Variants in OSBPL1A observed in about 807,000 individuals in gnomAD.
The protein encoded by OSBPL1A is oxysterol binding protein like 1A.
Under a neutral mutation model 137.1 loss-of-function variants are expected in OSBPL1A, and 80 were observed. The ratio of observed to expected loss-of-function variants is 0.58; its 90% CI spans 0.49 to 0.70. The LOEUF is 0.70. Among genes scored for constraint, OSBPL1A ranks in the 30% least tolerant of loss-of-function variants. OSBPL1A has a pLI of 0.00. For missense variants in OSBPL1A, 970 were observed against 1,129.4 expected (o/e 0.86, Z 2.02); for synonymous variants, 365 against 389.7 (o/e 0.94, Z 0.75).
chr18:24,329,231 G>T (rs761161273), intron 7 of OSBPL1A, among the ~76,000 whole-genome samples: 14 of 152,070 alleles, frequency 9.2e-5, no homozygotes, highest in Non-Finnish European at 1.9e-4. Flanking sequence ...GAGCAAAAGG[G>T]TGAGACCCCA....
chr18:24,164,459 C>T (rs1431175604), intron 27 of OSBPL1A, among the ~76,000 whole-genome samples: 10 of 117,408 alleles, frequency 8.5e-5, no homozygotes, highest in South Asian at 2.9e-4. Context: ...GACGGAGTCT[C>T]GCTCTGTCGC....
At chr18:24,286,796 G>A (rs1599617207) in intron 14 of OSBPL1A, among the ~76,000 whole-genome samples, 1 of 152,218 alleles carries the variant, frequency 6.6e-6, no homozygotes, top group African/African-American at 2.4e-5. Context: ...CTAGCAAGGT[G>A]AGAGGTTTTC....
At chr18:24,359,952 T>C (rs961208773) in intron 4 of OSBPL1A, among the ~76,000 whole-genome samples, 12 of 152,242 alleles carry the variant, frequency 7.9e-5, no homozygotes, top group African/African-American at 2.9e-4. Context: ...GCTGGGGAAC[T>C]GCATGATTTT....
intron 15 of OSBPL1A, among the ~76,000 whole-genome samples, chr18:24,250,620 C>G (rs2089057592): frequency 1.3e-5 from 2 of 152,256 alleles, no homozygotes; most frequent in Admixed American, 1.3e-4. Flanking sequence ...AGGTACTACA[C>G]TGAGGGCCTT....
chr18:24,217,380 C>T (rs113922429), intron 17 of OSBPL1A, among the ~76,000 whole-genome samples: 1 of 151,438 alleles, frequency 6.6e-6, no homozygotes, highest in African/African-American at 2.4e-5. Context: ...GCCTCAGTCT[C>T]CCGTGTAGTT....
chr18:24,320,921 C>G (rs957702320), intron 7 of OSBPL1A, among the ~76,000 whole-genome samples: 11 of 150,892 alleles, frequency 7.3e-5, no homozygotes, highest in Non-Finnish European at 1.6e-4. Flanking sequence ...CCCAGCTACT[C>G]TGGAGACTGA....
chr18:24,180,231 A>C (rs1356173980), intron 19 of OSBPL1A, among the ~76,000 whole-genome samples: 1 of 152,218 alleles, frequency 6.6e-6, no homozygotes, highest in East Asian at 1.9e-4. Context: ...AGGTTGGAAA[A>C]TGCTGACTTA....
intron 2 of OSBPL1A, among the ~76,000 whole-genome samples, chr18:24,377,055 G>A (rs1906225599): frequency 6.6e-6 from 1 of 152,238 alleles, no homozygotes; most frequent in Non-Finnish European, 1.5e-5. Context: ...ATGGGCTGAA[G>A]GGCTCCTCAA....
intron 2 of OSBPL1A, among the ~76,000 whole-genome samples, chr18:24,371,893 C>CTGTG (rs1384571579): frequency 1.3e-5 from 2 of 152,204 alleles, no homozygotes; most frequent in Non-Finnish European, 2.9e-5. Flanking sequence ...GCCCTGTACC[C>CTGTG]TGTGGGTCCT....
intron 15 of OSBPL1A, among the ~76,000 whole-genome samples, chr18:24,245,839 A>G (rs2088863965): frequency 6.6e-6 from 1 of 152,170 alleles, no homozygotes; most frequent in Non-Finnish European, 1.5e-5. Context: ...TGCCTTTTCA[A>G]ATGCAATTGA....
intron 17 of OSBPL1A, among the ~76,000 whole-genome samples, chr18:24,220,536 C>T (rs987847824): frequency 3.3e-5 from 5 of 152,192 alleles, no homozygotes; most frequent in African/African-American, 4.8e-5. Context: ...CCAGCCCTCA[C>T]CACAAATCTG....
chr18:24,344,216 G>A (rs2091311123), intron 4 of OSBPL1A, among the ~76,000 whole-genome samples: 2 of 152,200 alleles, frequency 1.3e-5, no homozygotes, highest in African/African-American at 4.8e-5. Flanking sequence ...TTGGGAGGCT[G>A]AGGCAGACGG....
intron 18 of OSBPL1A, among the ~76,000 whole-genome samples, chr18:24,195,468 TGCAAA>T: frequency 6.6e-6 from 1 of 152,192 alleles, no homozygotes; most frequent in East Asian, 1.9e-4. Context: ...CACATTCAAT[TGCAAA>T]ATGTTAAAAG....
chr18:24,387,927 CCTAATT>C (rs1308105010), intron 1 of OSBPL1A, among the ~76,000 whole-genome samples: 29 of 151,988 alleles, frequency 1.9e-4, no homozygotes, highest in African/African-American at 6.5e-4. Flanking sequence ...CATCGCCTTC[CCTAATT>C]CTAATACCAC....
intron 14 of OSBPL1A, among the ~76,000 whole-genome samples, chr18:24,295,506 C>A (rs999877495): frequency 1.2e-4 from 18 of 152,078 alleles, no homozygotes; most frequent in African/African-American, 3.9e-4. Flanking sequence ...AGAGTTTTTC[C>A]AATATTATCT....
At chr18:24,327,706 G>A (rs1038163139) in intron 7 of OSBPL1A, among the ~76,000 whole-genome samples, 5 of 152,050 alleles carry the variant, frequency 3.3e-5, no homozygotes, top group African/African-American at 1.2e-4. Flanking sequence ...ACCACTCCTG[G>A]CCTGATTTTT....
chr18:24,274,096 T>C (rs749617235), intron 15 of OSBPL1A, among the ~76,000 whole-genome samples: 2 of 151,940 alleles, frequency 1.3e-5, no homozygotes, highest in Admixed American at 1.3e-4. Flanking sequence ...TAGCAGGGTA[T>C]GGTGGTGTGT....
At chr18:24,187,732 T>C in intron 18 of OSBPL1A, among the ~76,000 whole-genome samples, 1 of 152,234 alleles carries the variant, frequency 6.6e-6, no homozygotes, top group East Asian at 1.9e-4. Context: ...TGGGATACTT[T>C]GCCCTGACCC....
At chr18:24,170,564 C>T in intron 23 of OSBPL1A, 111 bp from the exon 24 acceptor site, 1 of 1,216,188 alleles carries the variant, frequency 8.2e-7, no homozygotes, top group Non-Finnish European at 1.2e-6. Context: ...CAGGCCTGAC[C>T]CTGCTTAGCT....
Sources: allele counts gnomAD v4.1 joint callset (sites outside exome capture counted in the v4.1 genomes callset), GRCh38; gene constraint gnomAD v4.1.1; transcripts MANE v1.5; gene names NCBI Gene and HGNC (gene_info 2026-07-23, HGNC 2026-07-21).